The following RFC1 variants were observed in gnomAD, a reference collection of about 807,000 sequenced individuals.
RFC1 encodes replication factor C subunit 1, also known as A1 140 kDa subunit.
RFC1 carries 37 observed loss-of-function variants against 137.4 expected under a neutral mutation model. The ratio of observed to expected loss-of-function variants is 0.27; its 90% CI spans 0.21 to 0.35. RFC1 has a LOEUF of 0.35. Ranked by LOEUF, RFC1 falls within the 10% of genes least tolerant of loss-of-function variation. The pLI, the probability that RFC1 is intolerant of heterozygous loss-of-function variation, is 1.00. For synonymous variants in RFC1, 429 were observed against 455.7 expected (o/e 0.94, Z 0.75); for missense variants, 1,205 against 1,358.5 (o/e 0.89, Z 1.78).
chr4:39,361,435 C>T (rs751624855), intron 1 of RFC1, among the ~76,000 whole-genome samples: 2 of 152,130 alleles, frequency 1.3e-5, no homozygotes, highest in Non-Finnish European at 2.9e-5. Flanking sequence ...ATACTAAGGC[C>T]TTATACCTTG....
rs369171169 is a variant in RFC1 at position 39,335,168 on chromosome 4, A to C, written c.331+7177T>G. Among the ~76,000 whole-genome samples, 4 of 152,228 alleles carry C rather than the reference A, an allele frequency of 2.6e-5. 1 individual carries two copies. Among genetic ancestry groups the C allele is most frequent in the East Asian group, 3.8e-4 (2 of 5,206 alleles). ...ATTTATTTAGCAACAAAAACTAAAA[A>C]AGGAATCAAGGTGTTTAAAGCCTTT... On this transcript the variant is annotated intron_variant, in intron 4 of 24. Coordinates refer to ENST00000349703, the MANE Select transcript of RFC1 (RefSeq NM_002913.5).
intron 11 of RFC1, 80 bp from the exon 12 acceptor site, chr4:39,311,629 G>A (rs1738965901): frequency 3.0e-6 from 3 of 1,006,456 alleles, no homozygotes; most frequent in Non-Finnish European, 4.4e-6. Flanking sequence ...AAAAATTCTA[G>A]GGCCTATTAG....
chr4:39,308,673 T>C lies in RFC1; in HGVS notation c.1848A>G (p.Arg616=). The change falls in exon 13 of 25, where the codon CGA becomes CGG. Residue 616 remains arginine (R), a synonymous_variant. Transcript: ENST00000349703. Reference sequence around the variant, plus strand: ...CTTCGGAAGAACTCTTTTGCCAGTTTCGGAGCCAGCGTAGGAGTTTGTTGG... The same window carrying C: ...CTTCGGAAGAACTCTTTTGCCAGTTCCGGAGCCAGCGTAGGAGTTTGTTGG... ...SCANKLLRWL[R]NWQKSSSEDK... The C allele has an allele frequency of 6.2e-7, 1 of 1,612,464 alleles. No individual in the cohort carries two copies. Among genetic ancestry groups the C allele is most frequent in the Admixed American group, 1.7e-5 (1 of 59,500 alleles).
intron 1 of RFC1, among the ~76,000 whole-genome samples, chr4:39,354,213 T>C (rs965208869): frequency 2.0e-4 from 30 of 152,358 alleles, no homozygotes; most frequent in African/African-American, 6.7e-4. Flanking sequence ...ATAATTTTCA[T>C]CAGAATGGAA....
At position 39,341,641 on chromosome 4, in the gene RFC1, C is replaced by T. The variant is rs778427133; in HGVS notation, c.331+704G>A. The T allele has an allele frequency of 3.9e-5, 18 of 456,016 alleles. 1 individual carries two copies. Among genetic ancestry groups the T allele is most frequent in the South Asian group, 1.7e-4 (11 of 64,572 alleles). 28.2% of individuals were successfully genotyped at this position (456,016 alleles called of 1,614,324 possible). On this transcript the variant is annotated intron_variant, in intron 4 of 24. Transcript: ENST00000349703. ...TCTGGCCCTTTCACGTACAGCATCC[C>T]GTATTATTCCGGTTATTGTCTCCTC...
chr4:39,305,251 C>T (rs1030265868), intron 14 of RFC1, among the ~76,000 whole-genome samples: 1 of 151,756 alleles, frequency 6.6e-6, no homozygotes, highest in Non-Finnish European at 1.5e-5. Flanking sequence ...TCTTAAAGTC[C>T]TAAAAAAAGG....
rs1738342553 is a variant in RFC1 at position 39,301,201 on chromosome 4, TC to T, written c.2536-788del. ...TGGAAAAGTCCACATACTACATGATTCCAACTATACCACATTCTGGAAAAGG... is the reference window on the plus strand; with the variant it reads ...TGGAAAAGTCCACATACTACATGATTCAACTATACCACATTCTGGAAAAGG... On this transcript the variant is annotated intron_variant, in intron 19 of 24. Transcript: ENST00000349703. Among the ~76,000 whole-genome samples, 3 of 152,250 alleles carry T rather than the reference TC, an allele frequency of 2.0e-5. No homozygotes were observed. The South Asian group carries it at 6.2e-4, about 32-fold the overall frequency.
intron 5 of RFC1, among the ~76,000 whole-genome samples, chr4:39,327,210 GC>G (rs1739817771): frequency 6.6e-6 from 1 of 152,082 alleles, no homozygotes; most frequent in Admixed American, 6.6e-5. Flanking sequence ...CAAATTTATC[GC>G]TAATATTGAC....
Position 39,302,596 on chromosome 4 carries a change from C to G in RFC1, c.2341-1G>C. 3 of 1,587,712 alleles carry G rather than the reference C, an allele frequency of 1.9e-6. No individual in the cohort carries two copies. Among genetic ancestry groups the G allele is most frequent in the Non-Finnish European group, 2.6e-6 (3 of 1,163,590 alleles). ...TAAATGCAATAGACATCATAGCACC[C>G]TGAAATTGACAAGGGAGGAGTCCTC... is the stretch of plus-strand genomic sequence containing the variant. On this transcript the variant is annotated splice_acceptor_variant, in intron 17 of 24. Coordinates refer to ENST00000349703, the MANE Select transcript of RFC1 (RefSeq NM_002913.5). LOFTEE classifies it high-confidence loss of function.
chr4:39,305,118 A>G (rs1738573010), intron 14 of RFC1, among the ~76,000 whole-genome samples, 190 bp from the exon 15 acceptor site: 1 of 152,236 alleles, frequency 6.6e-6, no homozygotes, highest in East Asian at 1.9e-4. Context: ...AAATTTTTAG[A>G]ATATCATATA....
At chr4:39,333,209 G>A (rs1740190060) in intron 4 of RFC1, among the ~76,000 whole-genome samples, 1 of 152,086 alleles carries the variant, frequency 6.6e-6, no homozygotes, top group South Asian at 2.1e-4. Flanking sequence ...GACCCTATGG[G>A]TAGCCATATA....
chr4:39,292,500 T>C (rs150189992), intron 22 of RFC1, among the ~76,000 whole-genome samples: 186 of 152,278 alleles, frequency 1.2e-3, no homozygotes, highest in African/African-American at 4.3e-3. Flanking sequence ...CTCTTAAATG[T>C]TGTCACTTCT....
At chr4:39,356,196 C>G (rs1020771436) in intron 1 of RFC1, among the ~76,000 whole-genome samples, 5 of 151,966 alleles carry the variant, frequency 3.3e-5, no homozygotes, top group African/African-American at 1.2e-4. Flanking sequence ...GTCAGGAGTT[C>G]CAGACTGGCC....
At chr4:39,311,408 T>C (rs759664719) in intron 12 of RFC1, 37 bp downstream of exon 12, 15 of 1,549,896 alleles carry the variant, frequency 9.7e-6, no homozygotes, top group South Asian at 4.5e-5. Context: ...AAAAAGTTAA[T>C]ATACACCAAC....
intron 1 of RFC1, among the ~76,000 whole-genome samples, chr4:39,361,786 C>T (rs781751199): frequency 3.9e-5 from 6 of 152,252 alleles, no homozygotes; most frequent in Non-Finnish European, 8.8e-5. Context: ...CGGTGGCTCA[C>T]GCCTGTAATC....
At chr4:39,348,435 A>AAAAGG (rs1491518832) in intron 2 of RFC1, among the ~76,000 whole-genome samples, 6 of 87,670 alleles carry the variant, frequency 6.8e-5, no homozygotes, top group Admixed American at 2.6e-4. Context: ...AAAAGAAAAG[A>AAAAGG]AAAGAAAAGA....
rs372166453 is a variant in RFC1, at chr4:39,305,252, T to TA, written c.1996-325dup. Among the ~76,000 whole-genome samples, 166 of 152,082 alleles carry TA rather than the reference T, an allele frequency of 1.1e-3. 1 individual carries two copies. The highest frequency in any genetic ancestry group is 3.7e-3 in the African/African-American group (153 of 41,480). On this transcript the variant is annotated intron_variant, in intron 14 of 24. Transcript: ENST00000349703. Reference sequence around the variant, plus strand: ...TTACTAAATTTACTTCTTAAAGTCCTAAAAAAAGGATTAAACATAATCATC... The same window carrying TA: ...TTACTAAATTTACTTCTTAAAGTCCTAAAAAAAAGGATTAAACATAATCATC...
chr4:39,315,952 C>T (rs1385154838), intron 10 of RFC1, among the ~76,000 whole-genome samples: 1 of 152,170 alleles, frequency 6.6e-6, no homozygotes, highest in Non-Finnish European at 1.5e-5. Context: ...CCTTCTCGGC[C>T]GGGCCCAGTG....
chr4:39,318,920 G>A (rs1407666519), intron 9 of RFC1, among the ~76,000 whole-genome samples: 1 of 152,190 alleles, frequency 6.6e-6, no homozygotes, highest in African/African-American at 2.4e-5. Context: ...ATGAATAGTG[G>A]TTTCTCATTA....
Sources: allele counts gnomAD v4.1 joint callset (sites outside exome capture counted in the v4.1 genomes callset), GRCh38; gene constraint gnomAD v4.1.1; transcripts MANE v1.5; gene names NCBI Gene and HGNC (gene_info 2026-07-23, HGNC 2026-07-21).